Variants in CTNNA3 observed in about 807,000 individuals in gnomAD.
CTNNA3 encodes catenin alpha-3.
A neutral mutation model predicts 95.7 loss-of-function variants in CTNNA3; 76 were observed. That is an observed-to-expected ratio of 0.79 (90% CI 0.66 to 0.96). The LOEUF (loss-of-function observed/expected upper bound fraction) is 0.96. CTNNA3 is among the 40% of genes least tolerant of loss of function. The pLI, the probability that CTNNA3 is intolerant of heterozygous loss-of-function variation, is 0.00. For missense variants in CTNNA3, 1,191 were observed against 1,089.8 expected (o/e 1.09, Z -1.31); for synonymous variants, 431 against 374.4 (o/e 1.15, Z -1.74).
At chr10:67,677,010 A>C (rs993497874) in intron 1 of CTNNA3, among the ~76,000 whole-genome samples, 1 of 148,786 alleles carries the variant, frequency 6.7e-6, no homozygotes, top group African/African-American at 2.6e-5. Context: ...TCTTCCTAAC[A>C]ACAGATACAT....
chr10:67,285,139 T>C (rs889203063), intron 5 of CTNNA3, among the ~76,000 whole-genome samples: 2 of 152,338 alleles, frequency 1.3e-5, no homozygotes, highest in East Asian at 3.9e-4. Context: ...GCTGTTCTCA[T>C]GTTAATGTCT....
rs187959780 is a variant in CTNNA3 at position 66,430,605 on chromosome 10, T to C, written c.1532-51253A>G. On this transcript the variant is annotated intron_variant, in intron 11 of 17. Coordinates refer to ENST00000433211, the MANE Select transcript of CTNNA3 (RefSeq NM_013266.4). ...GCCCTCAGAAATAATACCACACATC[T>C]ACAACTATCTGATCTTTGACAAACC... 4.4e-3 allele frequency among the ~76,000 whole-genome samples: 670 copies of C among 152,226 alleles called. 3 individuals carry two copies. The highest frequency in any genetic ancestry group is 0.015 in the African/African-American group (640 of 41,546).
chr10:67,037,037 C>T (rs10762129), intron 7 of CTNNA3, among the ~76,000 whole-genome samples: 33,354 of 151,932 alleles, frequency 0.22, 4,675 homozygotes, highest in East Asian at 0.44. Flanking sequence ...TTGGGTGTTC[C>T]GGGGCTACCT....
rs545094031 is a variant in CTNNA3, at chr10:66,650,756, G to A, written c.1282-28972C>T. Among the ~76,000 whole-genome samples the A allele has an allele frequency of 2.6e-5, 4 of 151,420 alleles. No individual in the cohort carries two copies. The South Asian group carries it at 6.3e-4, about 24-fold the overall frequency. ...GCATCTGGAGTTGTTCCTTCCTCCC[G>A]TCCAGAGTTGTTCATCCCTCCTGGT... On this transcript the variant is annotated intron_variant, in intron 9 of 17. Transcript: ENST00000433211.
Position 67,420,303 on chromosome 10 carries a change from T to A in CTNNA3, c.579+101539A>T, listed in dbSNP as rs116397469. ...TGATTTTTTATTATAATTAAAATGC[T>A]CTTTTTCAATATTTCTAAATTATAA... On this transcript the variant is annotated intron_variant, in intron 5 of 17. Transcript: ENST00000433211. 3.6e-3 allele frequency among the ~76,000 whole-genome samples: 552 copies of A among 152,338 alleles called. 4 individuals are homozygous for A. The highest frequency in any genetic ancestry group is 0.012 in the African/African-American group (518 of 41,578).
chr10:67,715,300 A>G (rs1388262696), intron 1 of CTNNA3, among the ~76,000 whole-genome samples: 2 of 152,182 alleles, frequency 1.3e-5, no homozygotes, highest in Non-Finnish European at 2.9e-5. Context: ...TTCATATTGC[A>G]TTTTACAAAA....
chr10:66,050,078 T>C (rs2079915585), intron 15 of CTNNA3, among the ~76,000 whole-genome samples: 1 of 152,194 alleles, frequency 6.6e-6, no homozygotes, highest in South Asian at 2.1e-4. Context: ...GACTAATATC[T>C]AACCTGTAGA....
chr10:66,540,565 T>G (rs529566736), intron 10 of CTNNA3, among the ~76,000 whole-genome samples: 3 of 152,108 alleles, frequency 2.0e-5, no homozygotes, highest in Non-Finnish European at 4.4e-5. Flanking sequence ...GAGCCGTTTT[T>G]TCATGTAAAC....
chr10:67,077,243 T>G (rs1174549322), intron 7 of CTNNA3, among the ~76,000 whole-genome samples: 1 of 152,174 alleles, frequency 6.6e-6, no homozygotes, highest in Non-Finnish European at 1.5e-5. Flanking sequence ...TTGTTGTCCC[T>G]CCTCTCCAGA....
intron 11 of CTNNA3, among the ~76,000 whole-genome samples, chr10:66,427,393 C>A (rs1049176860): frequency 6.6e-6 from 1 of 151,852 alleles, no homozygotes; most frequent in Non-Finnish European, 1.5e-5. Context: ...GTATTTTGTA[C>A]TAGCCTTCCC....
In CTNNA3 at chr10:67,507,558, GA is replaced by G. The variant is rs545584235; in HGVS notation, c.579+14283del. ...TCAAAAAAAAAAGGAAAGAAACAAA[GA>G]AAAAAAAAAAGAAAATTAAATCAAT... On this transcript the variant is annotated intron_variant, in intron 5 of 17. Transcript: ENST00000433211. 6.2e-3 allele frequency among the ~76,000 whole-genome samples: 827 copies of G among 133,304 alleles called. 10 individuals carry two copies. Among genetic ancestry groups the G allele is most frequent in the African/African-American group, 0.02 (730 of 36,436 alleles). The allele number at this position is 133,304 out of a possible 152,430, so 87.5% of individuals were successfully genotyped here. A position where few individuals can be genotyped will look rare whatever the true frequency, so the allele number is the denominator to read the frequency against.
At chr10:67,593,078 T>C (rs929756469) in intron 3 of CTNNA3, among the ~76,000 whole-genome samples, 1 of 152,208 alleles carries the variant, frequency 6.6e-6, no homozygotes, top group Non-Finnish European at 1.5e-5. Flanking sequence ...TATTTGGTTC[T>C]CTGTTCCTGT....
intron 10 of CTNNA3, among the ~76,000 whole-genome samples, chr10:66,619,601 T>C (rs1844668047): frequency 7.2e-6 from 1 of 138,768 alleles, no homozygotes; most frequent in African/African-American, 2.6e-5. Context: ...TTAGGAGATA[T>C]ACCTAATGCT....
chr10:67,066,153 C>T (rs1283842033), intron 7 of CTNNA3, among the ~76,000 whole-genome samples: 1 of 148,756 alleles, frequency 6.7e-6, no homozygotes, highest in Non-Finnish European at 1.5e-5. Context: ...CACCAGTGCT[C>T]GTTTCCCTAT....
At chr10:66,311,549 G>T (rs1299430828) in intron 12 of CTNNA3, among the ~76,000 whole-genome samples, 1 of 152,170 alleles carries the variant, frequency 6.6e-6, no homozygotes, top group African/African-American at 2.4e-5. Context: ...CAGTAGCATG[G>T]TGCTTTACTT....
chr10:67,097,513 T>G, intron 7 of CTNNA3: 1 of 1,355,540 alleles, frequency 7.4e-7, no homozygotes. Context: ...AGGTCAGCAC[T>G]TCAGTCTCTA....
At chr10:67,690,357 C>T (rs971684148) in intron 1 of CTNNA3, among the ~76,000 whole-genome samples, 10 of 152,106 alleles carry the variant, frequency 6.6e-5, no homozygotes, top group South Asian at 2.1e-4. Flanking sequence ...AGTGAAAGAA[C>T]AAAGCTTCCA....
At chr10:67,559,342 T>C (rs1407845648) in intron 3 of CTNNA3, among the ~76,000 whole-genome samples, 1 of 152,154 alleles carries the variant, frequency 6.6e-6, no homozygotes, top group African/African-American at 2.4e-5. Flanking sequence ...GAAAATACGC[T>C]GTTCTGCAGC....
chr10:67,508,496 C>T (rs1187666069), intron 5 of CTNNA3, among the ~76,000 whole-genome samples: 1 of 152,048 alleles, frequency 6.6e-6, no homozygotes, highest in African/African-American at 2.4e-5. Flanking sequence ...ACATCACAAA[C>T]AAAATTTAAC....
Sources: gnomAD v4.1 joint callset for allele counts (sites outside exome capture counted in the v4.1 genomes callset) on GRCh38, gnomAD v4.1.1 for gene constraint, MANE v1.5 for transcripts, NCBI Gene and HGNC (gene_info 2026-07-23, HGNC 2026-07-21) for gene names.